APP: variants seen among roughly 807,000 people sequenced by gnomAD.
APP encodes amyloid-beta precursor protein.
Under a neutral mutation model 101.4 loss-of-function variants are expected in APP, and 31 were observed. That is an observed-to-expected ratio of 0.31 (90% CI 0.23 to 0.41). The LOEUF (loss-of-function observed/expected upper bound fraction) is 0.41. APP is among the 10% of genes least tolerant of loss of function. APP has a pLI of 1.00. For missense variants in APP, 839 were observed against 1,003.7 expected, an observed-to-expected ratio of 0.84 and a Z score of 2.22; for synonymous variants, 366 against 364.4, an observed-to-expected ratio of 1.00 and a Z score of -0.05.
Position 26,103,273 on chromosome 21 carries a change from C to A in APP, c.225+8706G>T, listed in dbSNP as rs1181743213. Reference sequence around the variant, plus strand: ...ACTGAAGGCAAATCTGGACTACACGCCAACATTCCACCAACTCTTGCCTAA... The same window carrying A: ...ACTGAAGGCAAATCTGGACTACACGACAACATTCCACCAACTCTTGCCTAA... On this transcript the variant is annotated intron_variant, in intron 2 of 17. Transcript: ENST00000346798. Among the ~76,000 whole-genome samples, 11 of 152,296 alleles carry A rather than the reference C, an allele frequency of 7.2e-5. No individual in the cohort carries two copies. In the East Asian group the frequency reaches 2.1e-3, roughly 29 times the overall value.
At chr21:26,114,130 A>T (rs1479837517) in intron 1 of APP, among the ~76,000 whole-genome samples, 1 of 152,212 alleles carries the variant, frequency 6.6e-6, no homozygotes, top group Non-Finnish European at 1.5e-5. Context: ...TATTCTGTTG[A>T]AACAGTCTCC....
intron 8 of APP, among the ~76,000 whole-genome samples, chr21:25,985,034 A>G (rs962986901): frequency 8.5e-5 from 13 of 152,206 alleles, no homozygotes; most frequent in African/African-American, 3.1e-4. Flanking sequence ...AAAGGAAAGA[A>G]GATAAACACT....
At chr21:25,894,290 A>G (rs574713186) in intron 16 of APP, among the ~76,000 whole-genome samples, 18 of 152,320 alleles carry the variant, frequency 1.2e-4, no homozygotes, top group African/African-American at 4.3e-4. Flanking sequence ...TTCAAGTCTT[A>G]TTATTTCAGC....
intron 1 of APP, 103 bp downstream of exon 1, chr21:26,170,442 AGGAGAGGGGTCCCATTGAC>A: frequency 9.6e-7 from 1 of 1,039,094 alleles, no homozygotes; most frequent in Non-Finnish European, 1.4e-6. Context: ...GGGGGCGGAG[AGGAGAGGGGTCCCATTGAC>A]GGACCCCCGG....
chr21:25,945,099 T>A (rs906917134), intron 13 of APP, among the ~76,000 whole-genome samples: 4 of 152,134 alleles, frequency 2.6e-5, no homozygotes, highest in African/African-American at 9.7e-5. Flanking sequence ...AAGAATGGCA[T>A]AAAAACAGAC....
chr21:26,001,776 G>A (rs181546386), intron 6 of APP, among the ~76,000 whole-genome samples: 10 of 152,384 alleles, frequency 6.6e-5, no homozygotes, highest in Admixed American at 6.5e-4. Flanking sequence ...TGGGATTACA[G>A]GCGTGAGCCA....
intron 13 of APP, among the ~76,000 whole-genome samples, chr21:25,929,727 A>T (rs1187862748): frequency 6.6e-6 from 1 of 152,214 alleles, no homozygotes; most frequent in Non-Finnish European, 1.5e-5. Flanking sequence ...TGAGGACCAG[A>T]AAGTACAGTG....
chr21:25,927,256 C>T (rs1269681642), intron 13 of APP, among the ~76,000 whole-genome samples: 1 of 152,116 alleles, frequency 6.6e-6, no homozygotes, highest in Non-Finnish European at 1.5e-5. Context: ...ACAGCCCATT[C>T]TCAATAGCAC....
At chr21:26,064,287 A>C (rs1487429685) in intron 3 of APP, among the ~76,000 whole-genome samples, 1 of 152,202 alleles carries the variant, frequency 6.6e-6, no homozygotes, top group African/African-American at 2.4e-5. Flanking sequence ...TGGTTTACTG[A>C]CTGCAACAAA....
At chr21:26,038,524 G>A (rs2045226671) in intron 5 of APP, among the ~76,000 whole-genome samples, 1 of 152,136 alleles carries the variant, frequency 6.6e-6, no homozygotes, top group South Asian at 2.1e-4. Context: ...AGCACTTTGG[G>A]AGCCCGAGGC....
chr21:26,157,151 C>T (rs766821843), intron 1 of APP, among the ~76,000 whole-genome samples: 50 of 152,032 alleles, frequency 3.3e-4, no homozygotes, highest in South Asian at 6.2e-4. Flanking sequence ...CTCACTGCAA[C>T]CTCCGCCTCC....
intron 6 of APP, among the ~76,000 whole-genome samples, chr21:26,019,167 C>T (rs1240396929): frequency 5.3e-5 from 8 of 152,346 alleles, no homozygotes; most frequent in South Asian, 2.1e-4. Context: ...AAATCTGCAG[C>T]GCACAGTAGC....
chr21:26,089,412 C>T (rs2061771037), intron 3 of APP: 1 of 151,436 alleles, frequency 6.6e-6, no homozygotes, highest in Admixed American at 6.6e-5. Context: ...CAGACTGTTT[C>T]CTCCAGTTTG....
At chr21:25,915,782 G>C (rs141846040) in intron 13 of APP, among the ~76,000 whole-genome samples, 130 of 152,348 alleles carry the variant, frequency 8.5e-4, no homozygotes, top group African/African-American at 2.9e-3. Context: ...AGTCAGGGGA[G>C]GTTGAGGTAC....
intron 5 of APP, among the ~76,000 whole-genome samples, chr21:26,030,624 T>C (rs1365556237): frequency 2.6e-5 from 4 of 152,214 alleles, no homozygotes; most frequent in Non-Finnish European, 5.9e-5. Context: ...AAAAGTCATA[T>C]ATTATCAAAA....
chr21:26,110,118 T>C (rs536925876), intron 2 of APP, among the ~76,000 whole-genome samples: 2 of 152,186 alleles, frequency 1.3e-5, no homozygotes, highest in South Asian at 4.1e-4. Flanking sequence ...AATCCATACT[T>C]AGTAAATCAG....
At chr21:26,013,253 G>T (rs1307653055) in intron 6 of APP, among the ~76,000 whole-genome samples, 1 of 152,122 alleles carries the variant, frequency 6.6e-6, no homozygotes, top group Admixed American at 6.5e-5. Context: ...GGAGGCAGAG[G>T]TTGCAGTGAG....
intron 5 of APP, among the ~76,000 whole-genome samples, chr21:26,030,961 G>C (rs1378609322): frequency 6.6e-6 from 1 of 152,142 alleles, no homozygotes; most frequent in Non-Finnish European, 1.5e-5. Context: ...TGCCTTCCTG[G>C]TATTTACATT....
chr21:25,999,984 G>A (rs2043219191), intron 7 of APP, 31 bp downstream of exon 7: 1 of 1,611,958 alleles, frequency 6.2e-7, no homozygotes, highest in African/African-American at 1.3e-5. Context: ...AGAGACGAAA[G>A]GTGGCCAGGC....
Sources: allele counts gnomAD v4.1 joint callset (sites outside exome capture counted in the v4.1 genomes callset), GRCh38; gene constraint gnomAD v4.1.1; transcripts MANE v1.5; gene names NCBI Gene and HGNC (gene_info 2026-07-23, HGNC 2026-07-21).